Variants in TENM3 observed in about 807,000 individuals in gnomAD.
TENM3 encodes teneurin-3.
In TENM3, 63 loss-of-function variants were observed where a neutral mutation model predicts 255.1. The ratio of observed to expected loss-of-function variants is 0.25; its 90% CI spans 0.20 to 0.30. TENM3 has a LOEUF of 0.30. Among genes scored for constraint, TENM3 ranks in the 10% least tolerant of loss-of-function variants. The probability of loss-of-function intolerance (pLI) is 1.00; values close to 1 mark genes in which losing one functional copy is unlikely to be tolerated. For synonymous variants in TENM3, 1,306 were observed against 1,322.3 expected (o/e 0.99, Z 0.27); for missense variants, 2,929 against 3,461.1 (o/e 0.85, Z 3.86).
chr4:182,254,746 A>G (rs17309350), intron 1 of TENM3, among the ~76,000 whole-genome samples: 27,258 of 152,180 alleles, frequency 0.18, 3,125 homozygotes, highest in Non-Finnish European at 0.25. Flanking sequence ...GGCAGTTATC[A>G]TATTGTGTGA....
intron 19 of TENM3, among the ~76,000 whole-genome samples, chr4:182,747,033 T>G (rs1762056353): frequency 6.6e-6 from 1 of 152,192 alleles, no homozygotes; most frequent in Non-Finnish European, 1.5e-5. Context: ...TACCTTCCCT[T>G]TCCTGGTTAA....
At chr4:182,089,937 A>G in the TENM3 span, among the ~76,000 whole-genome samples, 1 of 152,210 alleles carries the variant, frequency 6.6e-6, no homozygotes, top group Non-Finnish European at 1.5e-5. Context: ...AAAGTTTAAT[A>G]CTTTATATAT....
At chr4:181,491,814 T>C in the TENM3 span, among the ~76,000 whole-genome samples, 1 of 152,138 alleles carries the variant, frequency 6.6e-6, no homozygotes, top group Non-Finnish European at 1.5e-5. Flanking sequence ...ACCTTAGTAA[T>C]TTATCTACTT....
At chr4:182,670,710 G>T (rs1206257857) in intron 6 of TENM3, among the ~76,000 whole-genome samples, 1 of 152,146 alleles carries the variant, frequency 6.6e-6, no homozygotes, top group Non-Finnish European at 1.5e-5. Flanking sequence ...CTGTAAGTGT[G>T]AATTTTTTGT....
the TENM3 span, among the ~76,000 whole-genome samples, chr4:181,704,318 C>G: frequency 6.6e-6 from 1 of 152,136 alleles, no homozygotes; most frequent in African/African-American, 2.4e-5. Context: ...CTTGCAAAGT[C>G]AAAGAACTTA....
chr4:182,174,952 T>TTTAAC (rs1388495818), intron 1 of TENM3, among the ~76,000 whole-genome samples: 1 of 151,676 alleles, frequency 6.6e-6, no homozygotes, highest in East Asian at 1.9e-4. Flanking sequence ...AACTGAAATA[T>TTTAAC]TTGTTACATA....
chr4:182,231,605 C>A (rs531270905), intron 1 of TENM3, among the ~76,000 whole-genome samples: 1 of 152,246 alleles, frequency 6.6e-6, no homozygotes, highest in African/African-American at 2.4e-5. Flanking sequence ...AAGGGTGATG[C>A]CCAGGGCAGG....
chr4:181,665,319 C>A, the TENM3 span, among the ~76,000 whole-genome samples: 2 of 152,142 alleles, frequency 1.3e-5, no homozygotes, highest in African/African-American at 4.8e-5. Flanking sequence ...GCTTGAAATG[C>A]AAATAGAACA....
At chr4:182,397,235 T>TA (rs11429827) in intron 3 of TENM3, among the ~76,000 whole-genome samples, 67,129 of 143,220 alleles carry the variant, frequency 0.47, 15,639 homozygotes, top group Admixed American at 0.58. Context: ...GTTTTTAACA[T>TA]AAAAAAAAAA....
chr4:182,395,111 T>C (rs1768716676), intron 3 of TENM3, among the ~76,000 whole-genome samples: 1 of 152,222 alleles, frequency 6.6e-6, no homozygotes, highest in African/African-American at 2.4e-5. Context: ...ATAATCGTGC[T>C]GATGATCTAG....
At chr4:181,919,489 G>C in the TENM3 span, among the ~76,000 whole-genome samples, 1 of 151,924 alleles carries the variant, frequency 6.6e-6, no homozygotes, top group Non-Finnish European at 1.5e-5. Flanking sequence ...AACCTGAGGG[G>C]CCATTAACTT....
chr4:182,673,204 G>T lies in TENM3; in HGVS notation c.1311G>T (p.Pro437=). 1 of 1,611,282 alleles carries T rather than the reference G, an allele frequency of 6.2e-7. No homozygotes were observed. The highest frequency in any genetic ancestry group is 1.1e-5 in the South Asian group (1 of 90,840). Residue 437 remains proline, a synonymous_variant, in exon 7 of 28, where the codon CCG becomes CCT. Coordinates refer to ENST00000511685, the MANE Select transcript of TENM3 (RefSeq NM_001080477.4). ...LIGVYGRKGL[P]PSHTQYDFVE... ...GAGTATATGGCCGGAAAGGCTTACC[G>T]CCTTCCCATACTCAGGTAAGACTAG...
the TENM3 span, among the ~76,000 whole-genome samples, chr4:181,763,229 A>G: frequency 6.6e-6 from 1 of 152,182 alleles, no homozygotes; most frequent in African/African-American, 2.4e-5. Context: ...AAGGTCAAGA[A>G]ATTTGACCTT....
intron 3 of TENM3, among the ~76,000 whole-genome samples, chr4:182,542,666 C>T (rs974004552): frequency 2.6e-5 from 4 of 152,094 alleles, no homozygotes; most frequent in Non-Finnish European, 5.9e-5. Context: ...CCCAGCGTTC[C>T]GTGTACTCTT....
chr4:182,344,460 T>C (rs1764673592), intron 2 of TENM3, among the ~76,000 whole-genome samples: 1 of 152,074 alleles, frequency 6.6e-6, no homozygotes, highest in African/African-American at 2.4e-5. Flanking sequence ...GGATGATGTG[T>C]TGTGTTTTTA....
chr4:181,729,321 T>A, the TENM3 span, among the ~76,000 whole-genome samples: 1 of 152,174 alleles, frequency 6.6e-6, no homozygotes, highest in Non-Finnish European at 1.5e-5. Context: ...ATGACATGAC[T>A]GTCGTTGCTC....
the TENM3 span, among the ~76,000 whole-genome samples, chr4:182,067,151 A>G: frequency 3.3e-5 from 5 of 152,162 alleles, no homozygotes; most frequent in African/African-American, 1.2e-4. Flanking sequence ...GAAGGAGAGT[A>G]AGACTTCAGG....
At chr4:182,711,081 A>G (rs1356704899) in intron 12 of TENM3, among the ~76,000 whole-genome samples, 1 of 152,200 alleles carries the variant, frequency 6.6e-6, no homozygotes, top group South Asian at 2.1e-4. Flanking sequence ...ATACTGGGTA[A>G]TCGTTTTCTA....
At chr4:182,746,245 T>C (rs1481746741) in intron 19 of TENM3, among the ~76,000 whole-genome samples, 3 of 152,172 alleles carry the variant, frequency 2.0e-5, no homozygotes, top group Admixed American at 6.6e-5. Flanking sequence ...AATGTGAGAA[T>C]AGTTCTGTAA....
Sources: allele counts gnomAD v4.1 joint callset (sites outside exome capture counted in the v4.1 genomes callset), GRCh38; gene constraint gnomAD v4.1.1; transcripts MANE v1.5; gene names NCBI Gene and HGNC (gene_info 2026-07-23, HGNC 2026-07-21).